The following SYT1 variants were observed in gnomAD, a reference collection of about 807,000 sequenced individuals.
SYT1 encodes synaptotagmin 1, also known as synaptotagmin-1.
SYT1 carries 8 observed loss-of-function variants against 44.8 expected under a neutral mutation model. The ratio of observed to expected loss-of-function variants is 0.18; its 90% CI spans 0.10 to 0.32. The LOEUF (loss-of-function observed/expected upper bound fraction) is 0.32, where lower values mean the gene tolerates loss of function less well. Among genes scored for constraint, SYT1 ranks in the 10% least tolerant of loss-of-function variants. The pLI, the probability that SYT1 is intolerant of heterozygous loss-of-function variation, is 1.00. For synonymous variants in SYT1, 154 were observed against 188.8 expected, an observed-to-expected ratio of 0.82 and a Z score of 1.51; for missense variants, 286 against 509.3, an observed-to-expected ratio of 0.56 and a Z score of 4.22.
At chr12:79,429,363 C>A (rs1274071138) in intron 9 of SYT1, among the ~76,000 whole-genome samples, 2 of 151,882 alleles carry the variant, frequency 1.3e-5, no homozygotes, top group Non-Finnish European at 2.9e-5. Flanking sequence ...CCAGCCACCA[C>A]GCCTGGCAAA....
At chr12:78,998,583 T>C (rs889495289) in intron 2 of SYT1, among the ~76,000 whole-genome samples, 2 of 152,226 alleles carry the variant, frequency 1.3e-5, no homozygotes, top group African/African-American at 4.8e-5. Context: ...AACAACGATA[T>C]GATGTTTGAG....
At chr12:79,400,613 G>C (rs1885034354) in intron 9 of SYT1, among the ~76,000 whole-genome samples, 1 of 152,208 alleles carries the variant, frequency 6.6e-6, no homozygotes, top group African/African-American at 2.4e-5. Context: ...ACAGAAATTA[G>C]AGCTATGGAA....
chr12:79,363,889 A>G (rs999225021), intron 9 of SYT1, among the ~76,000 whole-genome samples: 3 of 152,144 alleles, frequency 2.0e-5, no homozygotes, highest in African/African-American at 7.2e-5. Flanking sequence ...TTGCTGCACC[A>G]TGAGCTACTT....
chr12:79,056,053 A>G (rs1261459295), intron 3 of SYT1, among the ~76,000 whole-genome samples: 1 of 152,010 alleles, frequency 6.6e-6, no homozygotes, highest in Non-Finnish European at 1.5e-5. Flanking sequence ...TTTGTAGCCC[A>G]AGAACAAAAG....
At chr12:79,441,235 G>A (rs751661862) in intron 9 of SYT1, among the ~76,000 whole-genome samples, 2 of 151,790 alleles carry the variant, frequency 1.3e-5, no homozygotes, top group Non-Finnish European at 2.9e-5. Context: ...GGCAAAGACC[G>A]AGACTTCCCG....
chr12:78,915,923 T>G (rs1876626225), intron 1 of SYT1, among the ~76,000 whole-genome samples: 2 of 152,016 alleles, frequency 1.3e-5, no homozygotes, highest in South Asian at 4.1e-4. Flanking sequence ...CCCTAATGCA[T>G]AAGGATAGAA....
At chr12:79,033,635 C>A (rs1388276510) in intron 2 of SYT1, among the ~76,000 whole-genome samples, 1 of 151,254 alleles carries the variant, frequency 6.6e-6, no homozygotes, top group Non-Finnish European at 1.5e-5. Context: ...GTCTAGTATT[C>A]TGAAATCATG....
At chr12:79,173,647 G>C (rs1871686405) in intron 3 of SYT1, among the ~76,000 whole-genome samples, 1 of 152,022 alleles carries the variant, frequency 6.6e-6, no homozygotes, top group Non-Finnish European at 1.5e-5. Context: ...TCTGAGAAAG[G>C]CTTAAAAGAG....
chr12:78,881,079 T>G (rs1474245467), intron 1 of SYT1, among the ~76,000 whole-genome samples: 1 of 151,620 alleles, frequency 6.6e-6, no homozygotes, highest in Non-Finnish European at 1.5e-5. Context: ...ATCAGATTAT[T>G]CTTCTGATTG....
At chr12:79,019,013 A>T (rs1388057382) in intron 2 of SYT1, among the ~76,000 whole-genome samples, 1 of 152,042 alleles carries the variant, frequency 6.6e-6, no homozygotes, top group African/African-American at 2.4e-5. Flanking sequence ...TATTCGTCAA[A>T]TTCCTATTGA....
intron 9 of SYT1, among the ~76,000 whole-genome samples, chr12:79,409,121 C>A (rs921756104): frequency 3.9e-5 from 6 of 151,978 alleles, no homozygotes; most frequent in Non-Finnish European, 1.5e-5. Context: ...ATTATATAAC[C>A]CAGCATACTG....
chr12:79,221,628 C>T lies in SYT1; in HGVS notation c.166+3943C>T, dbSNP rs191090264. 4.1e-3 allele frequency among the ~76,000 whole-genome samples: 619 copies of T among 152,222 alleles called. 3 individuals are homozygous for T. The highest frequency in any genetic ancestry group is 0.014 in the African/African-American group (583 of 41,558). ...TTTCAAAAAACATCTATAGTTATAA[C>T]AGGTTATTTTAAGCTGAAAACAAAT... On this transcript the variant is annotated intron_variant, in intron 4 of 10. Transcript: ENST00000261205.
At chr12:79,384,307 C>T (rs1019686074) in intron 9 of SYT1, among the ~76,000 whole-genome samples, 5 of 152,002 alleles carry the variant, frequency 3.3e-5, no homozygotes, top group Admixed American at 6.6e-5. Context: ...ATATTTTATA[C>T]ACAAAATATA....
At chr12:78,887,814 C>T (rs1164727723) in intron 1 of SYT1, among the ~76,000 whole-genome samples, 2 of 151,800 alleles carry the variant, frequency 1.3e-5, no homozygotes, top group Non-Finnish European at 2.9e-5. Flanking sequence ...CAATATCTAG[C>T]CCTTTCTTTA....
At chr12:78,923,555 T>TAA (rs71091635) in intron 1 of SYT1, among the ~76,000 whole-genome samples, 2 of 151,560 alleles carry the variant, frequency 1.3e-5, no homozygotes, top group South Asian at 2.1e-4. Flanking sequence ...TAGAACTATT[T>TAA]AAAAAAAATT....
At chr12:79,179,055 G>T (rs190821667) in intron 3 of SYT1, among the ~76,000 whole-genome samples, 8 of 30,280 alleles carry the variant, frequency 2.6e-4, no homozygotes, top group Admixed American at 8.5e-4. Context: ...TAGATATATA[G>T]ATATAGATAT....
At chr12:79,401,093 A>G (rs1288483879) in intron 9 of SYT1, among the ~76,000 whole-genome samples, 1 of 152,152 alleles carries the variant, frequency 6.6e-6, no homozygotes, top group Non-Finnish European at 1.5e-5. Flanking sequence ...TCTGCCTTTC[A>G]TTGTTATTAT....
rs923004570 is a variant in SYT1, at chr12:79,105,797, A to G, written c.-18+58435A>G. Reference sequence around the variant, plus strand: ...CGGGAGGCTGAGGCAGGAGAATGGCATGAACCCGGGAGGCGGAGCTTGCAG... The same window carrying G: ...CGGGAGGCTGAGGCAGGAGAATGGCGTGAACCCGGGAGGCGGAGCTTGCAG... On this transcript the variant is annotated intron_variant, in intron 3 of 10. Coordinates refer to ENST00000261205, the MANE Select transcript of SYT1 (RefSeq NM_005639.3). Among the ~76,000 whole-genome samples, 3 of 151,750 alleles carry G rather than the reference A, an allele frequency of 2.0e-5. No homozygotes were observed. The East Asian group carries it at 5.8e-4, about 30-fold the overall frequency.
chr12:79,190,152 A>G (rs1017970358), intron 3 of SYT1, among the ~76,000 whole-genome samples: 2 of 152,128 alleles, frequency 1.3e-5, no homozygotes, highest in Non-Finnish European at 2.9e-5. Context: ...TTTACAATTA[A>G]TATCTGATTT....
Sources: allele counts gnomAD v4.1 joint callset (sites outside exome capture counted in the v4.1 genomes callset), GRCh38; gene constraint gnomAD v4.1.1; transcripts MANE v1.5; gene names NCBI Gene and HGNC (gene_info 2026-07-23, HGNC 2026-07-21).